The following MAN1C1 variants were observed in gnomAD, a reference collection of about 807,000 sequenced individuals.
MAN1C1 encodes the protein mannosidase alpha class 1C member 1.
A neutral mutation model predicts 71.5 loss-of-function variants in MAN1C1; 49 were observed. The observed-to-expected ratio is 0.69, with a 90% confidence interval of 0.54 to 0.87. The LOEUF (loss-of-function observed/expected upper bound fraction) is 0.87, where lower values mean the gene tolerates loss of function less well. MAN1C1 is among the 40% of genes least tolerant of loss of function. The pLI is 0.00. For synonymous variants in MAN1C1, 352 were observed against 343.7 expected (o/e 1.02, Z -0.27); for missense variants, 743 against 835.0 (o/e 0.89, Z 1.36).
At chr1:25,763,327 A>T (rs1288012145) in intron 6 of MAN1C1, among the ~76,000 whole-genome samples, 2 of 151,968 alleles carry the variant, frequency 1.3e-5, no homozygotes, top group South Asian at 4.2e-4. Context: ...TGTCTCTACT[A>T]AAAATACAAA....
In MAN1C1 at chr1:25,731,039, A is replaced by G. The variant is rs796809957; in HGVS notation, c.638-15629A>G. Among the ~76,000 whole-genome samples the G allele has an allele frequency of 3.9e-5, 6 of 152,264 alleles. 1 individual carries two copies. In the South Asian group the frequency reaches 1.2e-3, roughly 32 times the overall value. ...TGCTTTAAAAAAATCAAATGAGGCC[A>G]GGCCTGGTGGCTCATGCCTGTAATC... On this transcript the variant is annotated intron_variant, in intron 2 of 11. Transcript: ENST00000374332.
intron 7 of MAN1C1, among the ~76,000 whole-genome samples, chr1:25,768,032 C>G (rs1239934562): frequency 2.4e-5 from 3 of 122,692 alleles, no homozygotes; most frequent in Non-Finnish European, 5.1e-5. Flanking sequence ...CACACCCACA[C>G]TCCCCTCACA....
In MAN1C1 at chr1:25,730,196, T is replaced by C. The variant is rs1240649291; in HGVS notation, c.638-16472T>C. On this transcript the variant is annotated intron_variant, in intron 2 of 11. Transcript: ENST00000374332. This position sits in a 1 kb window ranked among gnomAD's most constrained non-coding sequence, Gnocchi z 4.3. ...AACCAGAAAGAGAAATTCCTCAGAT[T>C]ATGGTCTGTCATAATCCCCTCCCTG... is the stretch of plus-strand genomic sequence containing the variant. Among the ~76,000 whole-genome samples the C allele has an allele frequency of 6.6e-6, 1 of 152,164 alleles. No individual in the cohort carries two copies. The highest frequency in any genetic ancestry group is 2.4e-5 in the African/African-American group (1 of 41,432).
At chr1:25,733,786 T>C (rs2046942271) in intron 2 of MAN1C1, among the ~76,000 whole-genome samples, 1 of 151,978 alleles carries the variant, frequency 6.6e-6, no homozygotes, top group Non-Finnish European at 1.5e-5. Context: ...TGTTTATTTA[T>C]TTATTTATTA....
chr1:25,684,811 C>T (rs1316609436), intron 1 of MAN1C1, among the ~76,000 whole-genome samples: 9 of 152,212 alleles, frequency 5.9e-5, no homozygotes, highest in Admixed American at 2.0e-4. Flanking sequence ...AGCCAGCGGA[C>T]GCAGGACTGT....
intron 2 of MAN1C1, among the ~76,000 whole-genome samples, chr1:25,715,155 GCA>G (rs1205311526): frequency 6.6e-6 from 1 of 152,160 alleles, no homozygotes; most frequent in Non-Finnish European, 1.5e-5. Flanking sequence ...TGTGTCTGGT[GCA>G]GAAGAGCTAG....
intron 1 of MAN1C1, among the ~76,000 whole-genome samples, chr1:25,621,775 C>T (rs563524298): frequency 3.9e-5 from 6 of 152,086 alleles, no homozygotes; most frequent in Non-Finnish European, 7.4e-5. Flanking sequence ...GGATTCCAGG[C>T]GCCCCACCAC....
intron 1 of MAN1C1, among the ~76,000 whole-genome samples, chr1:25,636,522 T>C (rs554925434): frequency 6.6e-6 from 1 of 152,316 alleles, no homozygotes; most frequent in African/African-American, 2.4e-5. Flanking sequence ...TATGGCTCTA[T>C]TTTGCCCAAC....
Position 25,656,095 on chromosome 1 carries a change from C to CTTTTTTT in MAN1C1, c.541-30329_541-30323dup, listed in dbSNP as rs59710145. On this transcript the variant is annotated intron_variant, in intron 1 of 11. Transcript: ENST00000374332. ...TATGTCTTAGGTTGGGATTATCAGT[C>CTTTTTTT]TTTTTTTTTTTTTTTTTTTTTTGAG... Among the ~76,000 whole-genome samples the CTTTTTTT allele has an allele frequency of 4.1e-3, 304 of 74,964 alleles. 55 individuals are homozygous for CTTTTTTT. Among genetic ancestry groups the CTTTTTTT allele is most frequent in the African/African-American group, 0.02 (242 of 12,196 alleles). The allele number at this position is 74,964 out of a possible 152,430, so 49.2% of individuals were successfully genotyped here. A position where few individuals can be genotyped will look rare whatever the true frequency, so the allele number is the denominator to read the frequency against.
chr1:25,660,332 C>T (rs916041741), intron 1 of MAN1C1, among the ~76,000 whole-genome samples: 1 of 149,062 alleles, frequency 6.7e-6, no homozygotes, highest in Non-Finnish European at 1.5e-5. Flanking sequence ...ACTTGGGAGA[C>T]AGAGGTTGCG....
In MAN1C1 at chr1:25,769,266, T is replaced by A. The variant is rs1269738807; in HGVS notation, c.1142-2391T>A. On this transcript the variant is annotated intron_variant, in intron 7 of 11. Transcript: ENST00000374332. The surrounding 1 kb of genome is among the most constrained non-coding windows in gnomAD (Gnocchi z 4.8). ...ACCACACTCCTTGACACACACACAC[T>A]CTCCCTACACACACATCCACACACC... Among the ~76,000 whole-genome samples the A allele has an allele frequency of 7.4e-6, 1 of 134,732 alleles. No individual in the cohort carries two copies. The highest frequency in any genetic ancestry group is 3.0e-5 in the African/African-American group (1 of 33,476). 88.4% of individuals were successfully genotyped at this position (134,732 alleles called of 152,430 possible).
intron 4 of MAN1C1, among the ~76,000 whole-genome samples, chr1:25,749,543 C>T (rs2047186448): frequency 6.6e-6 from 1 of 152,222 alleles, no homozygotes; most frequent in Non-Finnish European, 1.5e-5. Context: ...TCATCATGGG[C>T]ATGTTGCTCC....
chr1:25,760,896 C>T (rs1218265657), intron 6 of MAN1C1: 1 of 152,272 alleles, frequency 6.6e-6, no homozygotes, highest in Middle Eastern at 3.1e-3. Flanking sequence ...CTTCATAGCC[C>T]CAAAGGTTGC....
chr1:25,742,284 C>T (rs2047073277), intron 2 of MAN1C1, among the ~76,000 whole-genome samples: 1 of 152,026 alleles, frequency 6.6e-6, no homozygotes, highest in African/African-American at 2.4e-5. Context: ...GGGGAGAGAC[C>T]CAAGTTGGAT....
intron 8 of MAN1C1, among the ~76,000 whole-genome samples, chr1:25,777,822 T>G (rs1335946635): frequency 6.6e-6 from 1 of 152,088 alleles, no homozygotes; most frequent in East Asian, 1.9e-4. Context: ...CCTTAAAATA[T>G]TTTTTAACGT....
Position 25,771,686 on chromosome 1 carries a change from A to G in MAN1C1, c.1171A>G (p.Ser391Gly). Reference sequence around the variant, plus strand: ...TGTCTCAGTTGGAGGACTCGGGGACAGTTTTTATGAATATTTGATCAAATC... The same window carrying G: ...TGTCTCAGTTGGAGGACTCGGGGACGGTTTTTATGAATATTTGATCAAATC... The part of the protein sequence containing the change: ...HHVSVGGLGD[S>G]FYEYLIKSWL... Residue 391 changes from serine to glycine, a missense_variant, in exon 8 of 12, where the codon AGT (serine) becomes GGT (glycine). Physicochemically the swap from Ser to Gly is moderately conservative, Grantham distance 56. Coordinates refer to ENST00000374332, the MANE Select transcript of MAN1C1 (RefSeq NM_020379.4). The G allele has an allele frequency of 6.2e-7, 1 of 1,614,160 alleles. No individual in the cohort carries two copies. Among genetic ancestry groups the G allele is most frequent in the Non-Finnish European group, 8.5e-7 (1 of 1,179,982 alleles).
rs116330017 is a variant in MAN1C1 at position 25,684,747 on chromosome 1, C to T, written c.541-1693C>T. ...GCATGGAGAATACAGGTGGTGATAT[C>T]CTAGAAAGTGGGCCGCTAAGGCGGG... On this transcript the variant is annotated intron_variant, in intron 1 of 11. Coordinates refer to ENST00000374332, the MANE Select transcript of MAN1C1 (RefSeq NM_020379.4). Among the ~76,000 whole-genome samples the T allele has an allele frequency of 3.2e-3, 489 of 152,322 alleles. 1 individual carries two copies. The highest frequency in any genetic ancestry group is 0.011 in the African/African-American group (468 of 41,572).
intron 2 of MAN1C1, among the ~76,000 whole-genome samples, chr1:25,701,668 G>T (rs2046445817): frequency 6.6e-6 from 1 of 152,230 alleles, no homozygotes; most frequent in Non-Finnish European, 1.5e-5. Flanking sequence ...GCAAAACAGG[G>T]TCTGTGTGTG....
rs149790929 is a variant in MAN1C1 at position 25,717,694 on chromosome 1, T to C, written c.638-28974T>C. On this transcript the variant is annotated intron_variant, in intron 2 of 11. Coordinates refer to ENST00000374332, the MANE Select transcript of MAN1C1 (RefSeq NM_020379.4). ...GGGTTCAAGCGATTCTCCTCCTGAG[T>C]AGCTGGGATTACAGGCATGTGCCAC... is the stretch of plus-strand genomic sequence containing the variant. Among the ~76,000 whole-genome samples, 1,062 of 151,638 alleles carry C rather than the reference T, an allele frequency of 7.0e-3. 17 individuals are homozygous for C. Among genetic ancestry groups the C allele is most frequent in the African/African-American group, 0.024 (1,000 of 41,294 alleles).
Sources: allele counts gnomAD v4.1 joint callset (sites outside exome capture counted in the v4.1 genomes callset), GRCh38; gene constraint gnomAD v4.1.1; non-coding constraint Gnocchi (gnomAD v3.1); transcripts MANE v1.5; gene names NCBI Gene and HGNC (gene_info 2026-07-23, HGNC 2026-07-21).